Variants in TOX3 observed in about 807,000 individuals in gnomAD.
TOX3 encodes the protein CAG trinucleotide repeat-containing gene F9 protein.
A neutral mutation model predicts 64.3 loss-of-function variants in TOX3; 22 were observed. The observed-to-expected ratio is 0.34, with a 90% confidence interval of 0.24 to 0.49. The LOEUF is 0.49. TOX3 is among the 20% of genes least tolerant of loss of function. TOX3 has a pLI of 0.99. For missense variants in TOX3, 661 were observed against 714.4 expected (o/e 0.93, Z 0.85); for synonymous variants, 291 against 273.6 (o/e 1.06, Z -0.63).
chr16:52,449,995 C>G lies in TOX3; in HGVS notation c.678+282G>C, dbSNP rs571024618. 1.8e-4 allele frequency among the ~76,000 whole-genome samples: 28 copies of G among 152,290 alleles called. No individual in the cohort carries two copies. In the South Asian group the frequency reaches 5.8e-3, roughly 32 times the overall value. ...GGAAATTTGTAGCAGGGAGTCCAAG[C>G]CTTCCTTTTGCAGATTAGAAAAATT... On this transcript the variant is annotated intron_variant, in intron 4 of 6. Transcript: ENST00000219746.
At chr16:52,539,352 A>C (rs1267855990) in intron 1 of TOX3, among the ~76,000 whole-genome samples, 1 of 151,354 alleles carries the variant, frequency 6.6e-6, no homozygotes, top group African/African-American at 2.4e-5. Flanking sequence ...AAATTCTTCA[A>C]GTTTCACACA....
Position 52,489,909 on chromosome 16 carries a change from T to C in TOX3, c.88-21335A>G, listed in dbSNP as rs377478042. Among the ~76,000 whole-genome samples, 179 of 152,258 alleles carry C rather than the reference T, an allele frequency of 1.2e-3. 1 individual carries two copies. Among genetic ancestry groups the C allele is most frequent in the African/African-American group, 3.9e-3 (161 of 41,560 alleles). ...CATCTTTCACATCACTGCATATCTT[T>C]CTAATGGTACCAGCAATCCTAACCA... On this transcript the variant is annotated intron_variant, in intron 1 of 6. Coordinates refer to ENST00000219746, the MANE Select transcript of TOX3 (RefSeq NM_001080430.4).
At chr16:52,478,727 G>A (rs1199085298) in intron 1 of TOX3, among the ~76,000 whole-genome samples, 1 of 152,092 alleles carries the variant, frequency 6.6e-6, no homozygotes, top group African/African-American at 2.4e-5. Context: ...GGTATCATCA[G>A]GTAAGTTGCT....
At chr16:52,490,301 T>C (rs569932081) in intron 1 of TOX3, among the ~76,000 whole-genome samples, 2 of 152,174 alleles carry the variant, frequency 1.3e-5, no homozygotes, top group Admixed American at 1.3e-4. Context: ...TCCTGAGGCC[T>C]CCCAGTCATG....
Position 52,437,028 on chromosome 16 carries a change from C to G in TOX3, c.*2197G>C, listed in dbSNP as rs990901789. ...CAGAAAATCTTTTACCATTCGAGCT[C>G]TACTTCTGAAGGATCTGATGCTAGC... On this transcript the variant is annotated 3_prime_UTR_variant, in exon 7 of 7. Transcript: ENST00000219746. 2.0e-5 allele frequency: 3 copies of G among 152,192 alleles called. No individual in the cohort carries two copies. Among genetic ancestry groups the G allele is most frequent in the Non-Finnish European group, 4.4e-5 (3 of 68,040 alleles). 9.4% of individuals were successfully genotyped at this position (152,192 alleles called of 1,614,324 possible). A position where few individuals can be genotyped will look rare whatever the true frequency, so the allele number is the denominator to read the frequency against.
chr16:52,450,858 A>G (rs1427162488), intron 3 of TOX3, among the ~76,000 whole-genome samples: 1 of 149,978 alleles, frequency 6.7e-6, no homozygotes, highest in East Asian at 2.0e-4. Flanking sequence ...GGAAGGAAGG[A>G]AAAAAAGAAG....
intron 1 of TOX3, among the ~76,000 whole-genome samples, chr16:52,505,617 C>G (rs1962137676): frequency 6.6e-6 from 1 of 152,124 alleles, no homozygotes; most frequent in African/African-American, 2.4e-5. Flanking sequence ...CCCCAAGTTC[C>G]AAAAACTACA....
At chr16:52,528,126 G>T (rs1962763588) in intron 1 of TOX3, among the ~76,000 whole-genome samples, 1 of 152,166 alleles carries the variant, frequency 6.6e-6, no homozygotes, top group East Asian at 1.9e-4. Flanking sequence ...TCTGAAGTAG[G>T]ATTCTTCTCC....
intron 1 of TOX3, among the ~76,000 whole-genome samples, chr16:52,531,019 T>C (rs934320594): frequency 6.6e-6 from 1 of 152,204 alleles, no homozygotes; most frequent in African/African-American, 2.4e-5. Context: ...TACAGTGTCT[T>C]CTAGGAATCT....
chr16:52,546,867 GC>G lies in TOX3; in HGVS notation c.-145del. ...GGCCGGAGGGGCGCCGGGACCCAGA[GC>G]CCGAGGAGCTCGGGAGCCGCGGCCG... is the stretch of plus-strand genomic sequence containing the variant. On this transcript the variant is annotated 5_prime_UTR_variant, in exon 1 of 7. Transcript: ENST00000219746. 1.7e-6 allele frequency: 2 copies of G among 1,201,508 alleles called. No homozygotes were observed. The highest frequency in any genetic ancestry group is 2.1e-6 in the Non-Finnish European group (2 of 968,564). The allele number at this position is 1,201,508 out of a possible 1,614,324, so 74.4% of individuals were successfully genotyped here. A position where few individuals can be genotyped will look rare whatever the true frequency, so the allele number is the denominator to read the frequency against.
intron 1 of TOX3, among the ~76,000 whole-genome samples, chr16:52,509,975 C>T (rs916545398): frequency 6.6e-6 from 1 of 152,004 alleles, no homozygotes; most frequent in African/African-American, 2.4e-5. Flanking sequence ...TCAGTCCTGC[C>T]CCTACCAGAA....
chr16:52,535,837 AC>A (rs1442688594), intron 1 of TOX3, among the ~76,000 whole-genome samples: 1 of 152,204 alleles, frequency 6.6e-6, no homozygotes, highest in African/African-American at 2.4e-5. Flanking sequence ...TCTTCCTGCC[AC>A]CAACACATCA....
rs931421349 is a variant in TOX3 at position 52,439,076 on chromosome 16, T to C, written c.*149A>G. The C allele has an allele frequency of 2.3e-4, 252 of 1,104,052 alleles. 12 individuals are homozygous for C. The South Asian group carries it at 3.4e-3, about 15-fold the overall frequency. 68.4% of individuals were successfully genotyped at this position (1,104,052 alleles called of 1,614,324 possible). A position where few individuals can be genotyped will look rare whatever the true frequency, so the allele number is the denominator to read the frequency against. ...TTACTCAGCTACACTGCAGTTCTTA[T>C]TGCCTATCTAATAGACACTTGAGAG... On this transcript the variant is annotated 3_prime_UTR_variant, in exon 7 of 7. Transcript: ENST00000219746.
chr16:52,470,736 G>A (rs1007617432), intron 1 of TOX3, among the ~76,000 whole-genome samples: 5 of 152,162 alleles, frequency 3.3e-5, no homozygotes, highest in Non-Finnish European at 5.9e-5. Context: ...AGCAGGCCAC[G>A]CAGCGTTTAG....
At chr16:52,463,851 G>C in intron 3 of TOX3, 83 bp downstream of exon 3, 1 of 1,437,864 alleles carries the variant, frequency 7.0e-7, no homozygotes, top group Non-Finnish European at 9.2e-7. Flanking sequence ...GCAAGAGCAC[G>C]TTTCAGAACA....
intron 1 of TOX3, among the ~76,000 whole-genome samples, chr16:52,499,193 A>T (rs544654118): frequency 6.6e-6 from 1 of 152,178 alleles, no homozygotes; most frequent in Non-Finnish European, 1.5e-5. Context: ...ACAGGGGAAA[A>T]ATTAGAAAGC....
intron 1 of TOX3, among the ~76,000 whole-genome samples, chr16:52,492,429 TATTA>T (rs903220618): frequency 6.9e-6 from 1 of 145,712 alleles, no homozygotes; most frequent in Non-Finnish European, 1.5e-5. Context: ...ATTATATATA[TATTA>T]GTTTGAAAAA....
At chr16:52,472,066 G>T (rs2151441832) in intron 1 of TOX3, among the ~76,000 whole-genome samples, 1 of 152,254 alleles carries the variant, frequency 6.6e-6, no homozygotes, top group South Asian at 2.1e-4. Flanking sequence ...CTAGTAAAAT[G>T]CTCCTCAAGA....
chr16:52,458,302 T>C (rs1454203475), intron 3 of TOX3, among the ~76,000 whole-genome samples: 1 of 152,156 alleles, frequency 6.6e-6, no homozygotes, highest in Admixed American at 6.5e-5. Context: ...GGAGCTTCTA[T>C]TCTGGTAGGG....
Sources: allele counts gnomAD v4.1 joint callset (sites outside exome capture counted in the v4.1 genomes callset), GRCh38; gene constraint gnomAD v4.1.1; transcripts MANE v1.5; gene names NCBI Gene and HGNC (gene_info 2026-07-23, HGNC 2026-07-21).